The following GABBR2 variants were observed in gnomAD, a reference collection of about 807,000 sequenced individuals.
The protein encoded by GABBR2 is G-protein coupled receptor 51.
GABBR2 carries 23 observed loss-of-function variants against 105.6 expected under a neutral mutation model. That is an observed-to-expected ratio of 0.22 (90% CI 0.16 to 0.31). The LOEUF is 0.31. Ranked by LOEUF, GABBR2 falls within the 10% of genes least tolerant of loss-of-function variation. GABBR2 has a pLI of 1.00. For synonymous variants in GABBR2, 478 were observed against 499.7 expected (o/e 0.96, Z 0.58); for missense variants, 734 against 1,245.5 (o/e 0.59, Z 6.18).
intron 1 of GABBR2, among the ~76,000 whole-genome samples, chr9:98,594,800 T>A (rs1010227949): frequency 2.0e-5 from 3 of 152,312 alleles, no homozygotes; most frequent in Admixed American, 6.5e-5. Context: ...GAAGTAATGC[T>A]GGGAAGCCCT....
At chr9:98,451,419 T>A (rs1826227513) in intron 7 of GABBR2, among the ~76,000 whole-genome samples, 1 of 152,192 alleles carries the variant, frequency 6.6e-6, no homozygotes. Flanking sequence ...ACTTCGCCAA[T>A]ACATTGTGGG....
intron 1 of GABBR2, among the ~76,000 whole-genome samples, chr9:98,704,363 CT>C (rs1830868341): frequency 2.6e-5 from 4 of 152,334 alleles, no homozygotes; most frequent in Middle Eastern, 3.4e-3. Context: ...CTAGACTGGG[CT>C]CCTTGGCTCC....
intron 17 of GABBR2, among the ~76,000 whole-genome samples, chr9:98,298,091 T>C (rs1013118590): frequency 6.6e-6 from 1 of 151,998 alleles, no homozygotes; most frequent in Admixed American, 6.6e-5. Flanking sequence ...TCACTCACTT[T>C]CCACAATACC....
intron 15 of GABBR2, among the ~76,000 whole-genome samples, chr9:98,303,788 G>T (rs957105517): frequency 3.3e-5 from 5 of 152,238 alleles, no homozygotes; most frequent in African/African-American, 1.2e-4. Flanking sequence ...GGCAACAGTT[G>T]TGACAACAAA....
chr9:98,433,315 T>C (rs181863109), intron 7 of GABBR2, among the ~76,000 whole-genome samples: 1,725 of 152,340 alleles, frequency 0.011, 22 homozygotes, highest in Middle Eastern at 0.034. Flanking sequence ...TGTTTTATTA[T>C]ATGCCATGGG....
intron 11 of GABBR2, among the ~76,000 whole-genome samples, chr9:98,373,571 C>G (rs1831822137): frequency 6.6e-6 from 1 of 152,188 alleles, no homozygotes; most frequent in Non-Finnish European, 1.5e-5. Context: ...GTCAAAGGAC[C>G]AGGACACACC....
At chr9:98,340,523 G>A (rs1831193827) in intron 13 of GABBR2, among the ~76,000 whole-genome samples, 1 of 151,938 alleles carries the variant, frequency 6.6e-6, no homozygotes, top group Admixed American at 6.6e-5. Context: ...GCTTCCCAAA[G>A]TGTTGAAATT....
At chr9:98,305,001 A>G (rs776459224) in intron 15 of GABBR2, among the ~76,000 whole-genome samples, 22 of 118,536 alleles carry the variant, frequency 1.9e-4, no homozygotes, top group Non-Finnish European at 2.8e-4. Flanking sequence ...TTGAACTCCT[A>G]GCCTCAAGTG....
In GABBR2 at chr9:98,367,308, A is replaced by AAT. The variant is rs1554695820; in HGVS notation, c.1770+4155_1770+4156insAT. 4.6e-5 allele frequency among the ~76,000 whole-genome samples: 7 copies of AAT among 150,998 alleles called. No individual in the cohort carries two copies. The East Asian group carries it at 1.4e-3, about 29-fold the overall frequency. On this transcript the variant is annotated intron_variant, in intron 12 of 18. Coordinates refer to ENST00000259455, the MANE Select transcript of GABBR2 (RefSeq NM_005458.8). ...TAGTATATATGTCAGTAAAAAAAAA[A>AAT]AAAAAAATAAGGGGGCCACTAAAAA...
intron 2 of GABBR2, among the ~76,000 whole-genome samples, chr9:98,557,194 T>C (rs1828600963): frequency 6.6e-6 from 1 of 152,098 alleles, no homozygotes; most frequent in South Asian, 2.1e-4. Flanking sequence ...CAGCGTCCTC[T>C]CTCACCCCCT....
At chr9:98,480,310 CT>C (rs888685783) in intron 5 of GABBR2, among the ~76,000 whole-genome samples, 15 of 147,808 alleles carry the variant, frequency 1.0e-4, no homozygotes, top group East Asian at 9.9e-4. Flanking sequence ...TGGAGAAAAC[CT>C]TTTTTTTTTA....
chr9:98,538,396 C>T (rs1273207589), intron 3 of GABBR2: 19 of 152,914 alleles, frequency 1.2e-4, no homozygotes. Flanking sequence ...AACCCTGGTC[C>T]CAGCAGCAGC....
intron 1 of GABBR2, among the ~76,000 whole-genome samples, chr9:98,612,496 G>A (rs1439985387): frequency 6.6e-6 from 1 of 152,160 alleles, no homozygotes; most frequent in Admixed American, 6.5e-5. Flanking sequence ...TCACAGTTAT[G>A]TACATTCTAA....
chr9:98,564,984 C>A (rs1434062457), intron 2 of GABBR2, among the ~76,000 whole-genome samples: 1 of 152,074 alleles, frequency 6.6e-6, no homozygotes, highest in Non-Finnish European at 1.5e-5. Context: ...GGAGGGGGAG[C>A]AGAAAGGGCA....
intron 11 of GABBR2, among the ~76,000 whole-genome samples, chr9:98,382,890 C>T (rs534557891): frequency 1.3e-5 from 2 of 152,296 alleles, no homozygotes; most frequent in Non-Finnish European, 1.5e-5. Context: ...CTAAAACTAG[C>T]GAGACTTCCA....
At chr9:98,627,205 G>C (rs530476931) in intron 1 of GABBR2, among the ~76,000 whole-genome samples, 1 of 152,070 alleles carries the variant, frequency 6.6e-6, no homozygotes, top group African/African-American at 2.4e-5. Context: ...CAGCCCACCC[G>C]GACTCTGGGA....
In GABBR2 at chr9:98,367,087, A is replaced by G. The variant is rs145339727; in HGVS notation, c.1771-4250T>C. Among the ~76,000 whole-genome samples, 484 of 152,258 alleles carry G rather than the reference A, an allele frequency of 3.2e-3. 1 individual carries two copies. The highest frequency in any genetic ancestry group is 3.6e-3 in the Non-Finnish European group (244 of 68,036). ...TAAGTCACACGTGTTAATAGCCTTT[A>G]ATAGCCTTCTTTTGCTTTAATGCTT... is the stretch of plus-strand genomic sequence containing the variant. On this transcript the variant is annotated intron_variant, in intron 12 of 18. Transcript: ENST00000259455.
chr9:98,456,050 A>G (rs902619709), intron 6 of GABBR2, among the ~76,000 whole-genome samples: 1 of 152,148 alleles, frequency 6.6e-6, no homozygotes, highest in Non-Finnish European at 1.5e-5. Context: ...CAAAGAGACC[A>G]GCATTTCTAG....
At chr9:98,347,791 C>A (rs565114081) in intron 13 of GABBR2, among the ~76,000 whole-genome samples, 1 of 151,924 alleles carries the variant, frequency 6.6e-6, no homozygotes, top group Admixed American at 6.6e-5. Flanking sequence ...GTTCTGTGTC[C>A]CCACCCAAAT....
Sources: allele counts gnomAD v4.1 joint callset (sites outside exome capture counted in the v4.1 genomes callset), GRCh38; gene constraint gnomAD v4.1.1; transcripts MANE v1.5; gene names NCBI Gene and HGNC (gene_info 2026-07-23, HGNC 2026-07-21).